The following C8orf34 variants were observed in gnomAD, a reference collection of about 807,000 sequenced individuals.
The protein encoded by C8orf34 is uncharacterized protein C8orf34.
C8orf34 carries 65 observed loss-of-function variants against 68.3 expected under a neutral mutation model. The ratio of observed to expected loss-of-function variants is 0.95; its 90% CI spans 0.78 to 1.17. C8orf34 has a LOEUF of 1.17. Among genes scored for constraint, C8orf34 ranks in the 50% most tolerant of loss-of-function variants. The probability of loss-of-function intolerance (pLI) is 0.00; values close to 1 mark genes in which losing one functional copy is unlikely to be tolerated. For synonymous variants in C8orf34, 244 were observed against 241.2 expected (o/e 1.01, Z -0.11); for missense variants, 664 against 655.4 (o/e 1.01, Z -0.14).
At chr8:68,533,599 G>C in intron 7 of C8orf34, 1 of 985,558 alleles carries the variant, frequency 1.0e-6, no homozygotes, top group Non-Finnish European at 1.2e-6. Flanking sequence ...GGGGCAGATA[G>C]TAAATTCAGG....
chr8:68,483,864 C>T (rs1812964072), intron 4 of C8orf34, among the ~76,000 whole-genome samples: 1 of 152,176 alleles, frequency 6.6e-6, no homozygotes, highest in African/African-American at 2.4e-5. Flanking sequence ...AAGAGAAGCT[C>T]AGTTTCTGAA....
chr8:68,446,129 A>G (rs1176624234), intron 2 of C8orf34, among the ~76,000 whole-genome samples, 200 bp from the exon 3 acceptor site: 1 of 152,208 alleles, frequency 6.6e-6, no homozygotes, highest in African/African-American at 2.4e-5. Flanking sequence ...TCATATGCAT[A>G]TATAAACTGA....
chr8:68,802,131 G>T (rs1404844136), intron 12 of C8orf34, among the ~76,000 whole-genome samples: 1 of 151,692 alleles, frequency 6.6e-6, no homozygotes, highest in African/African-American at 2.4e-5. Context: ...ATGGAGTTTT[G>T]CTCTTGTTGC....
At position 68,575,956 on chromosome 8, in the gene C8orf34, G is replaced by GGTTTT. The variant is rs747862590; in HGVS notation, c.1105+42807_1105+42808insGTTTT. On this transcript the variant is annotated intron_variant, in intron 7 of 13. Coordinates refer to ENST00000518698, the MANE Select transcript of C8orf34 (RefSeq NM_052958.4). ...GCTGACATAATGCTAGTAGATGGTT[G>GGTTTT]TTTTTTTTTTTTTTTTTTTTTGCCT... is the stretch of plus-strand genomic sequence containing the variant. 1.8e-4 allele frequency among the ~76,000 whole-genome samples: 17 copies of GGTTTT among 96,322 alleles called. 3 individuals are homozygous for GGTTTT. Among genetic ancestry groups the GGTTTT allele is most frequent in the Non-Finnish European group, 2.1e-4 (10 of 47,302 alleles). 63.2% of individuals were successfully genotyped at this position (96,322 alleles called of 152,430 possible). A position where few individuals can be genotyped will look rare whatever the true frequency, so the allele number is the denominator to read the frequency against.
intron 1 of C8orf34, among the ~76,000 whole-genome samples, chr8:68,353,504 G>T (rs998340997): frequency 6.7e-6 from 1 of 150,342 alleles, no homozygotes; most frequent in Non-Finnish European, 1.5e-5. Flanking sequence ...TGTATGTATT[G>T]TGTGTATATA....
intron 1 of C8orf34, among the ~76,000 whole-genome samples, chr8:68,331,780 C>CTT (rs1415208083): frequency 6.0e-5 from 2 of 33,558 alleles, no homozygotes; most frequent in Admixed American, 4.5e-4. Context: ...CTTTTCTTTC[C>CTT]TTCTTTTTTT....
intron 3 of C8orf34, among the ~76,000 whole-genome samples, chr8:68,468,192 A>G (rs572440252): frequency 2.6e-5 from 4 of 152,120 alleles, no homozygotes; most frequent in South Asian, 2.1e-4. Flanking sequence ...TTGCCTAATA[A>G]TGTCTTCTAC....
intron 1 of C8orf34, among the ~76,000 whole-genome samples, chr8:68,377,867 G>A (rs1465977619): frequency 2.0e-5 from 3 of 152,110 alleles, no homozygotes; most frequent in East Asian, 3.9e-4. Context: ...ACGGTGGAAG[G>A]CAAAGGATAA....
At position 68,529,039 on chromosome 8, in the gene C8orf34, C is replaced by G. The variant is rs963762851; in HGVS notation, c.939-3944C>G. Among the ~76,000 whole-genome samples the G allele has an allele frequency of 5.3e-5, 8 of 152,278 alleles. No homozygotes were observed. The South Asian group carries it at 1.5e-3, about 28-fold the overall frequency. ...TCATCACTTCTCTTCATTCCCTGCA[C>G]CATTCCTTTCTCCTAGCTCATTCCC... On this transcript the variant is annotated intron_variant, in intron 6 of 13. Coordinates refer to ENST00000518698, the MANE Select transcript of C8orf34 (RefSeq NM_052958.4).
chr8:68,343,111 C>G (rs1195042126), intron 1 of C8orf34, among the ~76,000 whole-genome samples: 2 of 152,168 alleles, frequency 1.3e-5, no homozygotes, highest in African/African-American at 4.8e-5. Flanking sequence ...TTAACCAACA[C>G]TCCCTCTAAT....
At chr8:68,792,753 TA>T (rs2129529212) in intron 12 of C8orf34, among the ~76,000 whole-genome samples, 1 of 151,906 alleles carries the variant, frequency 6.6e-6, no homozygotes, top group African/African-American at 2.4e-5. Context: ...AATATCTCAT[TA>T]AAAAATTCTG....
intron 12 of C8orf34, among the ~76,000 whole-genome samples, chr8:68,808,551 A>G (rs1824551304): frequency 6.6e-6 from 1 of 150,992 alleles, no homozygotes; most frequent in African/African-American, 2.4e-5. Context: ...TAGATCAAAA[A>G]ATAATATATA....
At chr8:68,610,657 ATAT>A (rs1374313795) in intron 7 of C8orf34, among the ~76,000 whole-genome samples, 28 of 152,116 alleles carry the variant, frequency 1.8e-4, no homozygotes, top group Non-Finnish European at 3.7e-4. Context: ...GAGGTGGAAG[ATAT>A]TATTATGCCT....
At chr8:68,789,497 TA>T (rs1228098818) in intron 12 of C8orf34, among the ~76,000 whole-genome samples, 2 of 152,220 alleles carry the variant, frequency 1.3e-5, no homozygotes, top group African/African-American at 4.8e-5. Context: ...ATGTAAAGGA[TA>T]TGCAAATCCC....
chr8:68,592,691 CT>C (rs1817433143), intron 7 of C8orf34, among the ~76,000 whole-genome samples: 1 of 149,970 alleles, frequency 6.7e-6, no homozygotes, highest in Admixed American at 6.7e-5. Context: ...TCACTGCAAC[CT>C]CTGCCTCCCA....
intron 4 of C8orf34, among the ~76,000 whole-genome samples, chr8:68,479,676 G>A (rs1268402452): frequency 6.6e-6 from 1 of 152,166 alleles, no homozygotes; most frequent in Non-Finnish European, 1.5e-5. Flanking sequence ...GAAGGGTCAG[G>A]AAGTCCAGGA....
intron 5 of C8orf34, among the ~76,000 whole-genome samples, chr8:68,507,987 C>T (rs759677095): frequency 6.6e-6 from 1 of 152,132 alleles, no homozygotes; most frequent in Non-Finnish European, 1.5e-5. Flanking sequence ...ATAGTTACAT[C>T]CTTGATCTCT....
chr8:68,544,993 TC>T (rs1225465385), intron 7 of C8orf34, among the ~76,000 whole-genome samples: 1 of 152,130 alleles, frequency 6.6e-6, no homozygotes, highest in African/African-American at 2.4e-5. Context: ...GTCCATTTTA[TC>T]CCCAAATTTG....
At chr8:68,339,525 G>A (rs570866378) in intron 1 of C8orf34, among the ~76,000 whole-genome samples, 103 of 151,882 alleles carry the variant, frequency 6.8e-4, no homozygotes, top group African/African-American at 2.3e-3. Context: ...TAAATGAAGA[G>A]TTGTATTCTT....
Sources: gnomAD v4.1 joint callset for allele counts (sites outside exome capture counted in the v4.1 genomes callset) on GRCh38, gnomAD v4.1.1 for gene constraint, MANE v1.5 for transcripts, NCBI Gene and HGNC (gene_info 2026-07-23, HGNC 2026-07-21) for gene names.